The following CHD2 variants were observed in gnomAD, a reference collection of about 807,000 sequenced individuals.
CHD2 encodes the protein ATP-dependent chromatin remodeler CHD2.
A neutral mutation model predicts 243.9 loss-of-function variants in CHD2; 28 were observed. The observed-to-expected ratio is 0.11, with a 90% CI of 0.09 to 0.16. CHD2 has a LOEUF of 0.16. CHD2 is among the 10% of genes least tolerant of loss of function. CHD2 has a pLI of 1.00. For missense variants in CHD2, 1,386 were observed against 2,209.8 expected (o/e 0.63, Z 7.47); for synonymous variants, 775 against 779.0 (o/e 0.99, Z 0.09).
At chr15:92,949,512 C>T (rs1453780343) in intron 13 of CHD2, among the ~76,000 whole-genome samples, 2 of 152,004 alleles carry the variant, frequency 1.3e-5, no homozygotes, top group Non-Finnish European at 2.9e-5. Flanking sequence ...AGTGTGATTC[C>T]CCTCCCTTCA....
chr15:92,943,054 C>G lies in CHD2; in HGVS notation c.1038C>G (p.Asp346Glu), dbSNP rs148706063. The G allele has an allele frequency of 6.2e-7, 1 of 1,610,674 alleles. No homozygotes were observed. Among genetic ancestry groups the G allele is most frequent in the Admixed American group, 1.7e-5 (1 of 59,966 alleles). Residue 346 changes from aspartate (D) to glutamate (E), a missense_variant, in exon 9 of 39, where the codon GAC (aspartate) becomes GAG (glutamate). Coordinates refer to ENST00000394196, the MANE Select transcript of CHD2 (RefSeq NM_001271.4). ...TAGAGAACTTCAAGAAAAAAGAGGA[C>G]GAAATCAAACAATGGTATATTTTCC... ...KKLENFKKKE[D>E]EIKQWLGKVS...
intron 2 of CHD2, among the ~76,000 whole-genome samples, chr15:92,907,896 G>A (rs1596365446): frequency 1.3e-5 from 2 of 152,228 alleles, no homozygotes; most frequent in East Asian, 3.9e-4. Flanking sequence ...GGCCTACCAG[G>A]AGAGTTTGTT....
At chr15:92,948,622 A>G (rs2053508284) in intron 12 of CHD2, among the ~76,000 whole-genome samples, 1 of 152,146 alleles carries the variant, frequency 6.6e-6, no homozygotes, top group Non-Finnish European at 1.5e-5. Context: ...TCACGAGGTC[A>G]GGAGATCGAG....
intron 16 of CHD2, chr15:92,965,157 G>T (rs2053740095): frequency 6.6e-6 from 1 of 152,156 alleles, no homozygotes; most frequent in Admixed American, 6.5e-5. Flanking sequence ...TGAATCTTTA[G>T]ATGTAACATG....
rs1007532964 is a variant in CHD2 at position 92,998,912 on chromosome 15, T to G, written c.4008+291T>G. ...TCCTGGCTAATATGGTGAAACCCCG[T>G]CTCTACTAAAAATACAAAAAAATTA... On this transcript the variant is annotated intron_variant, in intron 31 of 38. Transcript: ENST00000394196. This position sits in a 1 kb window ranked among gnomAD's most constrained non-coding sequence, Gnocchi z 5.1. 2.6e-5 allele frequency among the ~76,000 whole-genome samples: 4 copies of G among 151,564 alleles called. No homozygotes were observed. Among genetic ancestry groups the G allele is most frequent in the African/African-American group, 9.7e-5 (4 of 41,234 alleles).
intron 20 of CHD2, among the ~76,000 whole-genome samples, chr15:92,976,037 C>T (rs1452162223): frequency 6.6e-6 from 1 of 152,190 alleles, no homozygotes. Context: ...TGGTAATCAA[C>T]ATAAAGCACT....
intron 5 of CHD2, among the ~76,000 whole-genome samples, chr15:92,936,278 T>C (rs530135332): frequency 2.0e-5 from 3 of 152,344 alleles, no homozygotes; most frequent in Admixed American, 6.5e-5. Flanking sequence ...GAATATTGAT[T>C]TGACATTTGT....
rs76621355 is a variant in CHD2, at chr15:92,992,943, C to T, written c.3540C>T (p.Ser1180=). Residue 1180 remains serine (S), a synonymous_variant, in exon 28 of 39, where the codon AGC becomes AGT. Transcript: ENST00000394196. Reference sequence around the variant, plus strand: ...GCCTGGGTGAACTGATCCACAACAGCTGTGTGTCAGCAATGCAGGAATACG... The same window carrying T: ...GCCTGGGTGAACTGATCCACAACAGTTGTGTGTCAGCAATGCAGGAATACG... ...LKRLGELIHN[S]CVSAMQEYEE... The T allele has an allele frequency of 1.9e-3, 3,026 of 1,614,084 alleles. 39 individuals are homozygous for T. In the African/African-American group the frequency reaches 0.026, roughly 14 times the overall value.
chr15:92,905,373 TTAA>T (rs986501219), intron 2 of CHD2, among the ~76,000 whole-genome samples: 42 of 152,342 alleles, frequency 2.8e-4, no homozygotes, highest in African/African-American at 1.0e-3. Flanking sequence ...CAACGATGTC[TTAA>T]TAATTAAATT....
intron 37 of CHD2, among the ~76,000 whole-genome samples, chr15:93,017,719 C>T (rs748177629): frequency 6.6e-6 from 1 of 152,008 alleles, no homozygotes; most frequent in Non-Finnish European, 1.5e-5. Context: ...AGCTACCCTG[C>T]CTGGAAGCAT....
At chr15:92,976,653 C>CA (rs11354443) in intron 20 of CHD2, among the ~76,000 whole-genome samples, 122 of 133,678 alleles carry the variant, frequency 9.1e-4, no homozygotes, top group African/African-American at 2.5e-3. Flanking sequence ...CTGTCTCTAC[C>CA]AAAAAAAAAA....
intron 6 of CHD2, among the ~76,000 whole-genome samples, chr15:92,938,917 A>G (rs953147995): frequency 2.6e-5 from 4 of 152,222 alleles, no homozygotes; most frequent in African/African-American, 9.6e-5. Flanking sequence ...TTTTATACAC[A>G]TACAGTAAAA....
At chr15:92,980,609 A>G (rs980302345) in intron 22 of CHD2, among the ~76,000 whole-genome samples, 1 of 152,188 alleles carries the variant, frequency 6.6e-6, no homozygotes, top group African/African-American at 2.4e-5. Context: ...TAGGACTGTA[A>G]CTAATTTTCT....
intron 16 of CHD2, among the ~76,000 whole-genome samples, chr15:92,960,662 C>T (rs1459269153): frequency 1.5e-5 from 2 of 133,818 alleles, no homozygotes; most frequent in Non-Finnish European, 3.1e-5. Flanking sequence ...TTGCTAGATT[C>T]AGTTGGCTAA....
intron 21 of CHD2, 104 bp from the exon 22 acceptor site, chr15:92,979,031 A>G: frequency 6.9e-7 from 1 of 1,451,128 alleles, no homozygotes; most frequent in Non-Finnish European, 9.3e-7. Flanking sequence ...AAATTCTGTT[A>G]AAATTTTCCC....
intron 22 of CHD2, 71 bp from the exon 23 acceptor site, chr15:92,980,744 G>A: frequency 9.4e-7 from 1 of 1,060,958 alleles, no homozygotes; most frequent in Non-Finnish European, 1.4e-6. Flanking sequence ...CTTTCTGAAG[G>A]ATAGTTATTC....
intron 2 of CHD2, among the ~76,000 whole-genome samples, chr15:92,911,564 C>T (rs1345000502): frequency 1.3e-5 from 2 of 152,024 alleles, no homozygotes; most frequent in Non-Finnish European, 2.9e-5. Context: ...ATGGTGAAAC[C>T]CTGTGTCTAC....
At chr15:92,929,483 C>G (rs544767557) in intron 5 of CHD2, among the ~76,000 whole-genome samples, 2 of 152,232 alleles carry the variant, frequency 1.3e-5, no homozygotes, top group South Asian at 4.1e-4. Flanking sequence ...ATTATATTGG[C>G]TGAACATCCA....
At chr15:92,990,542 C>G (rs1438542753) in intron 26 of CHD2, among the ~76,000 whole-genome samples, 1 of 152,162 alleles carries the variant, frequency 6.6e-6, no homozygotes, top group Non-Finnish European at 1.5e-5. Context: ...ATTTCAGTGT[C>G]TGTCAAGAAG....
Sources: allele counts gnomAD v4.1 joint callset (sites outside exome capture counted in the v4.1 genomes callset), GRCh38; gene constraint gnomAD v4.1.1; non-coding constraint Gnocchi (gnomAD v3.1); transcripts MANE v1.5; gene names NCBI Gene and HGNC (gene_info 2026-07-23, HGNC 2026-07-21).